The following MSI2 variants were observed in gnomAD, a reference collection of about 807,000 sequenced individuals.
MSI2 encodes the protein musashi RNA binding protein 2.
Under a neutral mutation model 45.6 loss-of-function variants are expected in MSI2, and 17 were observed. The ratio of observed to expected loss-of-function variants is 0.37; its 90% confidence interval spans 0.26 to 0.56. The LOEUF (loss-of-function observed/expected upper bound fraction) is 0.56, where lower values mean the gene tolerates loss of function less well. Among genes scored for constraint, MSI2 ranks in the 20% least tolerant of loss-of-function variants. The pLI is 0.77. For synonymous variants in MSI2, 156 were observed against 158.2 expected (o/e 0.99, Z 0.11); for missense variants, 293 against 444.2 (o/e 0.66, Z 3.06).
intron 5 of MSI2, among the ~76,000 whole-genome samples, chr17:57,297,421 A>C (rs1416293631): frequency 6.6e-6 from 1 of 152,118 alleles, no homozygotes; most frequent in Non-Finnish European, 1.5e-5. Flanking sequence ...AACAATGTGC[A>C]TGCCTCAATT....
intron 5 of MSI2, among the ~76,000 whole-genome samples, chr17:57,356,164 C>G (rs1021049101): frequency 6.6e-6 from 1 of 152,180 alleles, no homozygotes; most frequent in East Asian, 1.9e-4. Context: ...CTTGAGCCAC[C>G]GTGCCTGGCC....
chr17:57,301,337 T>C (rs1279620349), intron 5 of MSI2, among the ~76,000 whole-genome samples: 3 of 152,242 alleles, frequency 2.0e-5, no homozygotes, highest in African/African-American at 7.2e-5. Flanking sequence ...AGGACAGTGA[T>C]GGTGCTGAGA....
chr17:57,272,670 CCTAGGT>C (rs1384481931), intron 5 of MSI2, among the ~76,000 whole-genome samples: 2 of 152,176 alleles, frequency 1.3e-5, no homozygotes, highest in Non-Finnish European at 1.5e-5. Flanking sequence ...AGGTGAGAAA[CCTAGGT>C]CTTGCTGATT....
chr17:57,564,140 G>A (rs1304589292), intron 7 of MSI2, among the ~76,000 whole-genome samples: 1 of 152,218 alleles, frequency 6.6e-6, no homozygotes, highest in Non-Finnish European at 1.5e-5. Context: ...CCTGTGTGAA[G>A]GGCGTGCCAT....
chr17:57,575,944 CAAAAAAAAAA>C lies in MSI2; in HGVS notation c.455-20906_455-20897del, dbSNP rs34036311. Among the ~76,000 whole-genome samples, 125 of 64,436 alleles carry C rather than the reference CAAAAAAAAAA, an allele frequency of 1.9e-3. No homozygotes were observed. In the Middle Eastern group the frequency reaches 0.027, roughly 14 times the overall value. 42.3% of individuals were successfully genotyped at this position (64,436 alleles called of 152,430 possible). Reference sequence around the variant, plus strand: ...TGGGCGACAGAGCGAGACTCCGTCTCAAAAAAAAAAAAAAAAAAAAAAAAAAATTGGAAAA... The same window carrying C: ...TGGGCGACAGAGCGAGACTCCGTCTCAAAAAAAAAAAAAAAAATTGGAAAA... On this transcript the variant is annotated intron_variant, in intron 7 of 13. Transcript: ENST00000284073.
intron 11 of MSI2, among the ~76,000 whole-genome samples, chr17:57,653,143 C>T (rs974572900): frequency 1.3e-5 from 2 of 152,166 alleles, no homozygotes; most frequent in African/African-American, 4.8e-5. Context: ...GGAAATAGAG[C>T]ATTAAAAGCC....
At position 57,493,061 on chromosome 17, in the gene MSI2, C is replaced by T. The variant is rs2085907851; in HGVS notation, c.406-36615C>T. On this transcript the variant is annotated intron_variant, in intron 6 of 13. Transcript: ENST00000284073. ...TGTGGGTGCTGAGAAACCTCAGGCTCCTAGGTAAAAGGAGGAAATCCAAGG... is the reference window on the plus strand; with the variant it reads ...TGTGGGTGCTGAGAAACCTCAGGCTTCTAGGTAAAAGGAGGAAATCCAAGG... 8.5e-5 allele frequency among the ~76,000 whole-genome samples: 13 copies of T among 152,228 alleles called. No homozygotes were observed. The South Asian group carries it at 2.5e-3, about 29-fold the overall frequency.
intron 5 of MSI2, among the ~76,000 whole-genome samples, chr17:57,359,541 C>T (rs946640234): frequency 9.9e-5 from 15 of 152,134 alleles, no homozygotes; most frequent in African/African-American, 3.6e-4. Context: ...AGTGAGTCCT[C>T]AATAAAAGCT....
At chr17:57,323,642 G>A (rs1397876685) in intron 5 of MSI2, among the ~76,000 whole-genome samples, 1 of 152,270 alleles carries the variant, frequency 6.6e-6, no homozygotes, top group East Asian at 1.9e-4. Flanking sequence ...AGGAGCAGTT[G>A]CCTAGGTCAG....
In MSI2 at chr17:57,407,781, A is replaced by G. The variant is rs2084111984; in HGVS notation, c.405+6310A>G. Among the ~76,000 whole-genome samples, 1 of 152,160 alleles carries G rather than the reference A, an allele frequency of 6.6e-6. No homozygotes were observed. Among genetic ancestry groups the G allele is most frequent in the African/African-American group, 2.4e-5 (1 of 41,432 alleles). ...GGCTGAAGGCTACTTTTGTGTTTAA[A>G]TTTTCTTCCTCTAATAGCCCAGAAC... On this transcript the variant is annotated intron_variant, in intron 6 of 13. Transcript: ENST00000284073. This position sits in a 1 kb window ranked among gnomAD's most constrained non-coding sequence, Gnocchi z 4.1.
At chr17:57,641,463 G>A (rs1385453687) in intron 10 of MSI2, among the ~76,000 whole-genome samples, 2 of 152,084 alleles carry the variant, frequency 1.3e-5, no homozygotes, top group Admixed American at 6.5e-5. Flanking sequence ...AGATTTCAGG[G>A]GCTCAGCAAG....
Position 57,677,076 on chromosome 17 carries a change from C to G in MSI2, c.*31+17C>G. 3.2e-6 allele frequency: 5 copies of G among 1,582,772 alleles called. No individual in the cohort carries two copies. Among genetic ancestry groups the G allele is most frequent in the Non-Finnish European group, 4.3e-6 (5 of 1,151,390 alleles). On this transcript the variant is annotated intron_variant, in intron 13 of 13. Coordinates refer to ENST00000284073, the MANE Select transcript of MSI2 (RefSeq NM_138962.4). ...CACTCTGAGGTATTACCGTCTCTGC[C>G]ATGTGTCTCTGCCCTGCCGGTGTGT...
intron 13 of MSI2, among the ~76,000 whole-genome samples, chr17:57,678,025 T>C (rs1299941035): frequency 6.6e-6 from 1 of 152,030 alleles, no homozygotes; most frequent in East Asian, 1.9e-4. Context: ...ACTCGGAAAA[T>C]CCCACAGAGG....
In MSI2 at chr17:57,645,828, C is replaced by T. The variant is rs537498569; in HGVS notation, c.728-6271C>T. 2.0e-3 allele frequency among the ~76,000 whole-genome samples: 304 copies of T among 152,220 alleles called. 2 individuals carry two copies. The highest frequency in any genetic ancestry group is 6.6e-3 in the African/African-American group (276 of 41,518). On this transcript the variant is annotated intron_variant, in intron 10 of 13. Coordinates refer to ENST00000284073, the MANE Select transcript of MSI2 (RefSeq NM_138962.4). Reference sequence around the variant, plus strand: ...AAAAATCAGCATTTGTTAAAGCTTTCCAGGTGGGTCCAGTGAGCAACCAGG... The same window carrying T: ...AAAAATCAGCATTTGTTAAAGCTTTTCAGGTGGGTCCAGTGAGCAACCAGG...
intron 5 of MSI2, among the ~76,000 whole-genome samples, chr17:57,364,564 G>C (rs182910737): frequency 6.6e-6 from 1 of 152,320 alleles, no homozygotes; most frequent in Non-Finnish European, 1.5e-5. Context: ...TTAAGGTTCT[G>C]CTTCTCTAAT....
At chr17:57,489,508 G>C (rs1200970737) in intron 6 of MSI2, among the ~76,000 whole-genome samples, 1 of 152,214 alleles carries the variant, frequency 6.6e-6, no homozygotes, top group Non-Finnish European at 1.5e-5. Flanking sequence ...TTCCAGAGTG[G>C]CCAGGGAGGC....
At chr17:57,686,194 G>A (rs1290714074), downstream of MSI2, among the ~76,000 whole-genome samples, 2 of 152,130 alleles carry the variant, frequency 1.3e-5, no homozygotes, top group Admixed American at 6.5e-5. Flanking sequence ...TGGGAGGGTG[G>A]GAGTGAGGCT....
rs9905984 is a variant in MSI2 at position 57,407,072 on chromosome 17, T to C, written c.405+5601T>C. On this transcript the variant is annotated intron_variant, in intron 6 of 13. Transcript: ENST00000284073. The surrounding 1 kb of genome is among the most constrained non-coding windows in gnomAD (Gnocchi z 4.1). ...GGTCCTTGGAGCCCTTTGTGTCGGATTGGGGTTGTGTGGGGGCCCATAAAA... is the reference window on the plus strand; with the variant it reads ...GGTCCTTGGAGCCCTTTGTGTCGGACTGGGGTTGTGTGGGGGCCCATAAAA... 3 of 152,130 alleles carry C rather than the reference T, an allele frequency of 2.0e-5. No homozygotes were observed. Among genetic ancestry groups the C allele is most frequent in the Non-Finnish European group, 4.4e-5 (3 of 68,030 alleles). 9.4% of individuals were successfully genotyped at this position (152,130 alleles called of 1,614,324 possible).
chr17:57,598,749 G>A (rs552547791), intron 8 of MSI2, among the ~76,000 whole-genome samples: 3 of 152,028 alleles, frequency 2.0e-5, no homozygotes, highest in Admixed American at 6.5e-5. Flanking sequence ...TGCAACCTCC[G>A]CCTCCCGGGC....
Sources: allele counts gnomAD v4.1 joint callset (sites outside exome capture counted in the v4.1 genomes callset), GRCh38; gene constraint gnomAD v4.1.1; non-coding constraint Gnocchi (gnomAD v3.1); transcripts MANE v1.5; gene names NCBI Gene and HGNC (gene_info 2026-07-23, HGNC 2026-07-21).